The following CENPC variants were observed in gnomAD, a reference collection of about 807,000 sequenced individuals.
The protein encoded by CENPC is CENP-C 1.
CENPC carries 63 observed loss-of-function variants against 112.1 expected under a neutral mutation model. The ratio of observed to expected loss-of-function variants is 0.56; its 90% CI spans 0.46 to 0.69. The LOEUF is 0.69. Among genes scored for constraint, CENPC ranks in the 30% least tolerant of loss-of-function variants. CENPC has a pLI of 0.00. For missense variants in CENPC, 1,000 were observed against 1,103.8 expected, an observed-to-expected ratio of 0.91 and a Z score of 1.33; for synonymous variants, 333 against 367.6, an observed-to-expected ratio of 0.91 and a Z score of 1.08.
At position 67,518,838 on chromosome 4, in the gene CENPC, T is replaced by G. The variant is rs535671914; in HGVS notation, c.617+379A>C. Among the ~76,000 whole-genome samples the G allele has an allele frequency of 5.9e-5, 9 of 152,318 alleles. No homozygotes were observed. In the East Asian group the frequency reaches 1.7e-3, roughly 29 times the overall value. On this transcript the variant is annotated intron_variant, in intron 6 of 18. Transcript: ENST00000273853. Reference sequence around the variant, plus strand: ...GTAAGGTCAAGAAAGAGAAACCAGCTGTCCACAAAGCATAGCATCCTCAAT... The same window carrying G: ...GTAAGGTCAAGAAAGAGAAACCAGCGGTCCACAAAGCATAGCATCCTCAAT...
chr4:67,496,349 A>C (rs531571834), intron 12 of CENPC, among the ~76,000 whole-genome samples: 55 of 152,224 alleles, frequency 3.6e-4, no homozygotes, highest in Non-Finnish European at 6.0e-4. Flanking sequence ...AACTAAGCCA[A>C]GTCAATTCAT....
At chr4:67,478,399 C>A (rs1281531296) in intron 17 of CENPC, among the ~76,000 whole-genome samples, 1 of 152,104 alleles carries the variant, frequency 6.6e-6, no homozygotes, top group Non-Finnish European at 1.5e-5. Context: ...CTATCTTTAT[C>A]CTCCTTAAAT....
intron 4 of CENPC, among the ~76,000 whole-genome samples, chr4:67,532,169 G>C (rs1470448808): frequency 6.6e-6 from 1 of 152,174 alleles, no homozygotes; most frequent in Non-Finnish European, 1.5e-5. Flanking sequence ...CTGGCCATCA[G>C]AGAAATGCAA....
intron 12 of CENPC, among the ~76,000 whole-genome samples, chr4:67,499,946 G>A (rs1560427288): frequency 2.6e-5 from 4 of 152,068 alleles, no homozygotes; most frequent in Admixed American, 1.3e-4. Flanking sequence ...CTGAAGAGAG[G>A]GAGAAAGATG....
intron 10 of CENPC, among the ~76,000 whole-genome samples, chr4:67,507,803 C>T (rs1042455912): frequency 6.6e-6 from 1 of 151,996 alleles, no homozygotes; most frequent in African/African-American, 2.4e-5. Context: ...AGCAAGCTAC[C>T]GATCAGAACC....
At chr4:67,544,223 GTTTC>G (rs1287171659) in intron 1 of CENPC, 28 bp from the exon 2 acceptor site, 3 of 1,368,020 alleles carry the variant, frequency 2.2e-6, no homozygotes, top group East Asian at 4.6e-5. Context: ...CATCAATTTG[GTTTC>G]TTTAAGATAG....
rs1725883129 is a variant in CENPC, at chr4:67,511,181, C to T, written c.1612+1221G>A. On this transcript the variant is annotated intron_variant, in intron 9 of 18. Coordinates refer to ENST00000273853, the MANE Select transcript of CENPC (RefSeq NM_001812.4). ...ATGAGAAACTAAACAAAGCAATCTA[C>T]TCAAAGTGGAAGAGTGATACTTTGA... Among the ~76,000 whole-genome samples, 3 of 152,252 alleles carry T rather than the reference C, an allele frequency of 2.0e-5. No homozygotes were observed. The South Asian group carries it at 6.2e-4, about 32-fold the overall frequency.
intron 9 of CENPC, 62 bp from the exon 10 acceptor site, chr4:67,509,167 A>G: frequency 8.7e-7 from 1 of 1,150,154 alleles, no homozygotes. Context: ...GCTCACTGAA[A>G]TACCAACAGC....
intron 4 of CENPC, among the ~76,000 whole-genome samples, chr4:67,537,889 C>T (rs1406957879): frequency 2.0e-5 from 3 of 152,070 alleles, no homozygotes; most frequent in Admixed American, 6.6e-5. Context: ...CAGGCTGAGA[C>T]GGAAGGGTTT....
intron 7 of CENPC, among the ~76,000 whole-genome samples, chr4:67,515,147 T>C (rs558618818): frequency 6.6e-6 from 1 of 152,138 alleles, no homozygotes; most frequent in South Asian, 2.1e-4. Context: ...AGTCTAATAT[T>C]TGAATGGACT....
chr4:67,523,319 A>C (rs1286281479), intron 5 of CENPC, among the ~76,000 whole-genome samples: 1 of 152,174 alleles, frequency 6.6e-6, no homozygotes, highest in African/African-American at 2.4e-5. Flanking sequence ...TCAAAAAAAC[A>C]AAAAATGAAT....
At chr4:67,495,661 CA>C (rs541980095) in intron 12 of CENPC, among the ~76,000 whole-genome samples, 6 of 151,030 alleles carry the variant, frequency 4.0e-5, no homozygotes, top group Non-Finnish European at 7.4e-5. Flanking sequence ...AACAAACAAA[CA>C]AAAAAAACAA....
intron 2 of CENPC, 150 bp from the exon 3 acceptor site, chr4:67,541,200 G>T: frequency 5.3e-6 from 3 of 561,348 alleles, no homozygotes; most frequent in Non-Finnish European, 9.3e-6. Context: ...GTACTTGAGG[G>T]TCTATACATT....
rs1374234422 is a variant in CENPC at position 67,472,174 on chromosome 4, G to A, written c.*431C>T. On this transcript the variant is annotated 3_prime_UTR_variant, in exon 19 of 19. Transcript: ENST00000273853. ...TCTGTTGCTTTAAGTCACTCATTTT[G>A]TGGTATTTTGTTACAGCAGTTCTAG... The A allele has an allele frequency of 1.3e-5, 2 of 152,390 alleles. No individual in the cohort carries two copies. The highest frequency in any genetic ancestry group is 4.8e-5 in the African/African-American group (2 of 41,436). 9.4% of individuals were successfully genotyped at this position (152,390 alleles called of 1,614,324 possible).
chr4:67,537,212 T>TA (rs1238163659), intron 4 of CENPC, among the ~76,000 whole-genome samples: 4 of 151,740 alleles, frequency 2.6e-5, no homozygotes, highest in East Asian at 1.9e-4. Context: ...GTAGAACATT[T>TA]AAAAAAAATA....
chr4:67,539,935 C>G lies in CENPC; in HGVS notation c.137-1G>C. On this transcript the variant is annotated splice_acceptor_variant, in intron 3 of 18. Coordinates refer to ENST00000273853, the MANE Select transcript of CENPC (RefSeq NM_001812.4). LOFTEE classifies it high-confidence loss of function. ...TTTGTACTAAAATCATTGGCAAGACCTAAAACAAAAGTATGAAATTTTCAA... is the reference window on the plus strand; with the variant it reads ...TTTGTACTAAAATCATTGGCAAGACGTAAAACAAAAGTATGAAATTTTCAA... 2 of 1,478,594 alleles carry G rather than the reference C, an allele frequency of 1.4e-6. No homozygotes were observed. The allele number at this position is 1,478,594 out of a possible 1,614,324, so 91.6% of individuals were successfully genotyped here.
At chr4:67,533,292 C>A (rs1726615388) in intron 4 of CENPC, among the ~76,000 whole-genome samples, 1 of 152,228 alleles carries the variant, frequency 6.6e-6, no homozygotes, top group South Asian at 2.1e-4. Flanking sequence ...CTTGCCACCA[C>A]CATGGAAGAA....
chr4:67,494,847 C>T (rs1005800389), intron 13 of CENPC, among the ~76,000 whole-genome samples: 2 of 152,190 alleles, frequency 1.3e-5, no homozygotes, highest in East Asian at 3.9e-4. Context: ...AGGAAGCCAT[C>T]TACCTGGTAG....
At chr4:67,526,547 T>G (rs1265724499) in intron 5 of CENPC, among the ~76,000 whole-genome samples, 3 of 151,950 alleles carry the variant, frequency 2.0e-5, no homozygotes, top group Admixed American at 6.6e-5. Flanking sequence ...AAAAATCTCC[T>G]GGACCAGATG....
Sources: allele counts gnomAD v4.1 joint callset (sites outside exome capture counted in the v4.1 genomes callset), GRCh38; gene constraint gnomAD v4.1.1; transcripts MANE v1.5; gene names NCBI Gene and HGNC (gene_info 2026-07-23, HGNC 2026-07-21).